SLC31A1: variants seen among roughly 807,000 people sequenced by gnomAD.
SLC31A1 encodes the protein high affinity copper uptake protein 1.
SLC31A1 carries 5 observed loss-of-function variants against 17.2 expected under a neutral mutation model. The ratio of observed to expected loss-of-function variants is 0.29; its 90% confidence interval spans 0.15 to 0.61. The LOEUF (loss-of-function observed/expected upper bound fraction) is 0.61. SLC31A1 is among the 20% of genes least tolerant of loss of function. The pLI, the probability that SLC31A1 is intolerant of heterozygous loss-of-function variation, is 0.86. For synonymous variants in SLC31A1, 76 were observed against 78.8 expected (o/e 0.96, Z 0.19); for missense variants, 161 against 241.4 (o/e 0.67, Z 2.21).
chr9:113,225,582 G>A (rs1831331122), intron 1 of SLC31A1, among the ~76,000 whole-genome samples: 1 of 152,262 alleles, frequency 6.6e-6, no homozygotes, highest in East Asian at 1.9e-4. Flanking sequence ...TTTCAATTCA[G>A]CTTTCCTTTG....
chr9:113,223,392 G>A (rs1831308046), intron 1 of SLC31A1: 5 of 330,724 alleles, frequency 1.5e-5, no homozygotes, highest in Middle Eastern at 8.0e-4. Context: ...GGTAATACTG[G>A]ACTAGGAATC....
At chr9:113,256,312 C>G (rs1265306210) in intron 2 of SLC31A1, 35 bp downstream of exon 2, 8 of 1,612,108 alleles carry the variant, frequency 5.0e-6, no homozygotes, top group Non-Finnish European at 6.8e-6. Flanking sequence ...CAGGCCCTTT[C>G]CCACCCACTT....
chr9:113,238,791 T>TC (rs1054006431), intron 1 of SLC31A1, among the ~76,000 whole-genome samples: 2 of 152,128 alleles, frequency 1.3e-5, no homozygotes, highest in African/African-American at 4.8e-5. Context: ...GTAAATAAAA[T>TC]CTGGAGTTCA....
rs1282361795 is a variant in SLC31A1, at chr9:113,252,946, C to CTTT, written c.-35-3163_-35-3161dup. Among the ~76,000 whole-genome samples the CTTT allele has an allele frequency of 1.8e-3, 206 of 113,672 alleles. 8 individuals carry two copies. Among genetic ancestry groups the CTTT allele is most frequent in the African/African-American group, 4.4e-3 (123 of 28,090 alleles). The allele number at this position is 113,672 out of a possible 152,430, so 74.6% of individuals were successfully genotyped here. ...CTGGCTAGCGAAAGTCTTTTCTTTT[C>CTTT]TTTTTTTCTTTTTTTTTTTTTTTTT... On this transcript the variant is annotated intron_variant, in intron 1 of 4. Transcript: ENST00000374212.
rs1382115078 is a variant in SLC31A1 at position 113,261,271 on chromosome 9, A to G, written c.*798A>G. 1 of 152,848 alleles carries G rather than the reference A, an allele frequency of 6.5e-6. No individual in the cohort carries two copies. Among genetic ancestry groups the G allele is most frequent in the Non-Finnish European group, 1.5e-5 (1 of 68,504 alleles). 9.5% of individuals were successfully genotyped at this position (152,848 alleles called of 1,614,324 possible). On this transcript the variant is annotated 3_prime_UTR_variant, in exon 5 of 5. Coordinates refer to ENST00000374212, the MANE Select transcript of SLC31A1 (RefSeq NM_001859.4). The stretch of plus-strand genomic sequence containing the variant: ...GAGTGAAACTCCATCTCAAAAAAAA[A>G]GAAAAGAAGGTCCAGCTTTTGGATT...
At chr9:113,225,933 AG>A (rs1240305171) in intron 1 of SLC31A1, among the ~76,000 whole-genome samples, 2 of 152,200 alleles carry the variant, frequency 1.3e-5, no homozygotes, top group East Asian at 3.8e-4. Context: ...CAGGAGTTCG[AG>A]ACCAGCCTGG....
At chr9:113,241,975 G>A (rs1365979095) in intron 1 of SLC31A1, among the ~76,000 whole-genome samples, 1 of 152,180 alleles carries the variant, frequency 6.6e-6, no homozygotes, top group Non-Finnish European at 1.5e-5. Flanking sequence ...GGATCACGAG[G>A]TCAGGAGATC....
At chr9:113,239,454 A>G (rs1324404222) in intron 1 of SLC31A1, among the ~76,000 whole-genome samples, 1 of 152,230 alleles carries the variant, frequency 6.6e-6, no homozygotes, top group Non-Finnish European at 1.5e-5. Context: ...GATTTAATCT[A>G]TAAAGATTTT....
At chr9:113,243,352 C>G (rs1831541062) in intron 1 of SLC31A1, among the ~76,000 whole-genome samples, 1 of 152,124 alleles carries the variant, frequency 6.6e-6, no homozygotes, top group South Asian at 2.1e-4. Flanking sequence ...TTGACTTTAG[C>G]ATGTTTTCTC....
At chr9:113,235,199 A>G (rs1831443246) in intron 1 of SLC31A1, among the ~76,000 whole-genome samples, 1 of 152,194 alleles carries the variant, frequency 6.6e-6, no homozygotes, top group Non-Finnish European at 1.5e-5. Flanking sequence ...AACAAAAGAA[A>G]GGATATCCAA....
intron 1 of SLC31A1, among the ~76,000 whole-genome samples, chr9:113,243,169 T>C (rs1219692537): frequency 1.3e-5 from 2 of 152,014 alleles, no homozygotes; most frequent in East Asian, 3.9e-4. Flanking sequence ...AGCTCTAAAA[T>C]ATAAAATAAC....
chr9:113,239,190 T>TA (rs1186486759), intron 1 of SLC31A1, among the ~76,000 whole-genome samples: 1 of 152,056 alleles, frequency 6.6e-6, no homozygotes, highest in Non-Finnish European at 1.5e-5. Context: ...TTTTTTTTTT[T>TA]AACTCCTACC....
At chr9:113,228,244 A>G (rs1273404609) in intron 1 of SLC31A1, among the ~76,000 whole-genome samples, 1 of 152,206 alleles carries the variant, frequency 6.6e-6, no homozygotes, top group Non-Finnish European at 1.5e-5. Flanking sequence ...TGTCACATAA[A>G]TCATACTAAA....
At chr9:113,242,182 C>A (rs1831528403) in intron 1 of SLC31A1, among the ~76,000 whole-genome samples, 1 of 151,940 alleles carries the variant, frequency 6.6e-6, no homozygotes, top group Admixed American at 6.6e-5. Context: ...CAGCGAGACT[C>A]CGTCTCAAAA....
At chr9:113,243,150 G>C (rs1355900586) in intron 1 of SLC31A1, among the ~76,000 whole-genome samples, 2 of 151,654 alleles carry the variant, frequency 1.3e-5, no homozygotes, top group East Asian at 3.9e-4. Context: ...TTACAGTTAA[G>C]GAAAATGAAG....
rs1361909248 is a variant in SLC31A1 at position 113,258,897 on chromosome 9, G to T, written c.371+35G>T. On this transcript the variant is annotated intron_variant, in intron 4 of 4. Coordinates refer to ENST00000374212, the MANE Select transcript of SLC31A1 (RefSeq NM_001859.4). This position sits in a 1 kb window ranked among gnomAD's most constrained non-coding sequence, Gnocchi z 4.8. ...GAACAGATCCAGATGAAGTCCTAAA[G>T]AACTCGATCAGTTAAGCAGCAAAGC... 2 of 1,608,914 alleles carry T rather than the reference G, an allele frequency of 1.2e-6. No homozygotes were observed. Among genetic ancestry groups the T allele is most frequent in the South Asian group, 1.1e-5 (1 of 90,938 alleles).
chr9:113,238,366 G>A (rs931078532), intron 1 of SLC31A1, among the ~76,000 whole-genome samples: 12 of 152,292 alleles, frequency 7.9e-5, no homozygotes, highest in African/African-American at 2.6e-4. Context: ...CCTGAGATAG[G>A]TGTTTCCCCA....
chr9:113,235,410 T>G (rs1340270388), intron 1 of SLC31A1, among the ~76,000 whole-genome samples: 2 of 152,164 alleles, frequency 1.3e-5, no homozygotes, highest in Non-Finnish European at 1.5e-5. Flanking sequence ...GAAAACAGTT[T>G]AGATGCCAAG....
chr9:113,242,144 A>G (rs10759633), intron 1 of SLC31A1, among the ~76,000 whole-genome samples: 71,453 of 151,780 alleles, frequency 0.47, 17,136 homozygotes, highest in South Asian at 0.59. Flanking sequence ...AGCTGAGATC[A>G]CGCCACCGCA....
Sources: allele counts gnomAD v4.1 joint callset (sites outside exome capture counted in the v4.1 genomes callset), GRCh38; gene constraint gnomAD v4.1.1; non-coding constraint Gnocchi (gnomAD v3.1); transcripts MANE v1.5; gene names NCBI Gene and HGNC (gene_info 2026-07-23, HGNC 2026-07-21).